The following ZKSCAN8 variants were observed in gnomAD, a reference collection of about 807,000 sequenced individuals.
The protein encoded by ZKSCAN8 is zinc finger protein with KRAB and SCAN domains 8.
A neutral mutation model predicts 57.2 loss-of-function variants in ZKSCAN8; 27 were observed. The observed-to-expected ratio is 0.47, with a 90% CI of 0.35 to 0.65. The LOEUF is 0.65. ZKSCAN8 is among the 30% of genes least tolerant of loss of function. The probability of loss-of-function intolerance (pLI) is 0.01; values close to 1 mark genes in which losing one functional copy is unlikely to be tolerated. For missense variants in ZKSCAN8, 597 were observed against 696.3 expected (o/e 0.86, Z 1.60); for synonymous variants, 214 against 248.7 (o/e 0.86, Z 1.31).
At chr6:28,148,960 G>A (rs1765497574) in intron 2 of ZKSCAN8, 136 bp downstream of exon 2, 3 of 1,039,128 alleles carry the variant, frequency 2.9e-6, no homozygotes, top group African/African-American at 3.2e-5. Context: ...TTTTAGTGTA[G>A]TATGACTTGT....
At chr6:28,146,339 A>G (rs926478647) in intron 1 of ZKSCAN8, among the ~76,000 whole-genome samples, 12 of 152,240 alleles carry the variant, frequency 7.9e-5, no homozygotes, top group Non-Finnish European at 1.8e-4. Context: ...AGCAATACAC[A>G]TTTAAGTAAC....
At position 28,154,058 on chromosome 6, in the gene ZKSCAN8, G is replaced by T; in HGVS notation, c.*41G>T. The stretch of plus-strand genomic sequence containing the variant: ...GAGTTTGAGCATTATTCAGCATTAG[G>T]GAAACCACACACTGGTGAGAGGTCT... On this transcript the variant is annotated 3_prime_UTR_variant, in exon 6 of 6. Coordinates refer to ENST00000330236, the MANE Select transcript of ZKSCAN8 (RefSeq NM_006298.4). 6.5e-7 allele frequency: 1 copy of T among 1,533,700 alleles called. No homozygotes were observed.
At chr6:28,152,118 C>G (rs1397451700) in intron 4 of ZKSCAN8, 143 bp from the exon 5 acceptor site, 1 of 1,405,518 alleles carries the variant, frequency 7.1e-7, no homozygotes, top group African/African-American at 1.4e-5. Flanking sequence ...GCATTTTCCT[C>G]TTCTTCCTAG....
chr6:28,143,501 A>G (rs964645209), intron 1 of ZKSCAN8, among the ~76,000 whole-genome samples: 1 of 152,148 alleles, frequency 6.6e-6, no homozygotes, highest in African/African-American at 2.4e-5. Context: ...AGCCTCCTGT[A>G]CTGGTAAGTA....
At position 28,153,042 on chromosome 6, in the gene ZKSCAN8, C is replaced by A. The variant is rs1167236119; in HGVS notation, c.776-14C>A. On this transcript the variant is annotated splice_polypyrimidine_tract_variant and intron_variant, in intron 5 of 5. Coordinates refer to ENST00000330236, the MANE Select transcript of ZKSCAN8 (RefSeq NM_006298.4). ...ACATTGGCTTGATGTTTGTTTATTA[C>A]ATTTTTATTTCAGGTGGTGAGACCA... 6.2e-7 allele frequency: 1 copy of A among 1,611,246 alleles called. No individual in the cohort carries two copies. The highest frequency in any genetic ancestry group is 8.5e-7 in the Non-Finnish European group (1 of 1,178,168).
chr6:28,148,880 A>G, intron 2 of ZKSCAN8, 56 bp downstream of exon 2: 1 of 1,552,080 alleles, frequency 6.4e-7, no homozygotes, highest in East Asian at 2.3e-5. Flanking sequence ...AGCTTGGTAG[A>G]GGGACATAGG....
chr6:28,154,053 A>T lies in ZKSCAN8; in HGVS notation c.*36A>T, dbSNP rs759720008. 6.5e-7 allele frequency: 1 copy of T among 1,538,140 alleles called. No homozygotes were observed. Among genetic ancestry groups the T allele is most frequent in the South Asian group, 1.3e-5 (1 of 77,740 alleles). On this transcript the variant is annotated 3_prime_UTR_variant, in exon 6 of 6. Transcript: ENST00000330236. ...AGTTAGAGTTTGAGCATTATTCAGC[A>T]TTAGGGAAACCACACACTGGTGAGA...
At position 28,153,057 on chromosome 6, in the gene ZKSCAN8, T is replaced by G; in HGVS notation, c.777T>G (p.Gly259=). The G allele has an allele frequency of 6.2e-7, 1 of 1,612,434 alleles. No individual in the cohort carries two copies. The highest frequency in any genetic ancestry group is 8.5e-7 in the Non-Finnish European group (1 of 1,178,826). The change falls in exon 6 of 6, where the codon GGT becomes GGG. Residue 259 remains glycine (G), a splice_region_variant and synonymous_variant. Coordinates refer to ENST00000330236, the MANE Select transcript of ZKSCAN8 (RefSeq NM_006298.4). ...PENFRNMFSL[G]GETRSENREL... ...TTGTTTATTACATTTTTATTTCAGGTGGTGAGACCAGGAGTGAGAACAGGG... is the reference window on the plus strand; with the variant it reads ...TTGTTTATTACATTTTTATTTCAGGGGGTGAGACCAGGAGTGAGAACAGGG...
rs755030800 is a variant in ZKSCAN8 at position 28,148,788 on chromosome 6, G to A, written c.381G>A (p.Glu127=). The change falls in exon 2 of 6, where the codon GAG becomes GAA. Residue 127 remains glutamate, a synonymous_variant. Transcript: ENST00000330236. The part of the protein sequence containing the change: ...ENGEEVVTLL[E]DLERQIDILG... The stretch of plus-strand genomic sequence containing the variant: ...GAGAGGAGGTGGTGACCCTATTAGA[G>A]GATTTGGAAAGGCAGATTGATATAC... 1.2e-6 allele frequency: 2 copies of A among 1,613,962 alleles called. No homozygotes were observed. The highest frequency in any genetic ancestry group is 1.7e-6 in the Non-Finnish European group (2 of 1,179,942).
chr6:28,141,715 G>T (rs1004058551), upstream of ZKSCAN8, among the ~76,000 whole-genome samples: 3 of 152,230 alleles, frequency 2.0e-5, no homozygotes, highest in Admixed American at 6.5e-5. Context: ...CAGCGACAGC[G>T]CAAGCCTGAG....
Position 28,153,206 on chromosome 6 carries a change from T to C in ZKSCAN8, c.926T>C (p.Leu309Ser), listed in dbSNP as rs1432240996. ...HEEARDLLGRLERQRGNPTQE... is the reference protein window; with the variant it reads ...HEEARDLLGRSERQRGNPTQE... ...GAAGCCCGAGACCTTCTGGGCAGAT[T>C]AGAGAGGCAGCGGGGAAATCCCACA... The change falls in exon 6 of 6, where the codon TTA becomes TCA. Residue 309 changes from leucine (L) to serine (S), a missense_variant. Transcript: ENST00000330236. 7.4e-6 allele frequency: 12 copies of C among 1,614,022 alleles called. No homozygotes were observed. Among genetic ancestry groups the C allele is most frequent in the South Asian group, 3.3e-5 (3 of 91,080 alleles).
chr6:28,143,776 C>T (rs1476109076), intron 1 of ZKSCAN8, among the ~76,000 whole-genome samples: 4 of 151,960 alleles, frequency 2.6e-5, no homozygotes, highest in African/African-American at 9.7e-5. Context: ...AACATTAAAC[C>T]ATAAGTAGCT....
intron 1 of ZKSCAN8, among the ~76,000 whole-genome samples, chr6:28,143,539 G>A (rs1765289362): frequency 6.6e-6 from 1 of 152,112 alleles, no homozygotes; most frequent in African/African-American, 2.4e-5. Flanking sequence ...AATAGACTCT[G>A]CACTCAAGCC....
rs755526546 is a variant in ZKSCAN8, at chr6:28,153,716, G to A, written c.1436G>A (p.Gly479Asp). 2.5e-6 allele frequency: 4 copies of A among 1,613,118 alleles called. No homozygotes were observed. Among genetic ancestry groups the A allele is most frequent in the East Asian group, 2.2e-5 (1 of 44,820 alleles). Residue 479 changes from glycine to aspartate, a missense_variant, in exon 6 of 6, where the codon GGT (glycine) becomes GAT (aspartate). By Grantham distance (94) the Gly-to-Asp change is moderately conservative. Coordinates refer to ENST00000330236, the MANE Select transcript of ZKSCAN8 (RefSeq NM_006298.4). ...TTCAGGCGGAGCTCACATCTTATTG[G>A]TCATCAGAGGAGCCACACTGGGGAG... Reference protein sequence around the residue: ...KTFRRSSHLIGHQRSHTGEKP... With the variant: ...KTFRRSSHLIDHQRSHTGEKP...
chr6:28,148,048 C>A (rs1765457573), intron 1 of ZKSCAN8, among the ~76,000 whole-genome samples: 1 of 152,180 alleles, frequency 6.6e-6, no homozygotes. Flanking sequence ...ACCCAGTCTA[C>A]ATGGTTTCCT....
rs1437876672 is a variant in ZKSCAN8 at position 28,151,488 on chromosome 6, A to G, written c.560-357A>G. 2.6e-5 allele frequency among the ~76,000 whole-genome samples: 4 copies of G among 152,224 alleles called. No individual in the cohort carries two copies. The East Asian group carries it at 7.7e-4, about 29-fold the overall frequency. ...GTAATTAATTAATAGAGACTGGTTG[A>G]TTCTGATACTTGGTTTGCCAAGAGA... is the stretch of plus-strand genomic sequence containing the variant. On this transcript the variant is annotated intron_variant, in intron 3 of 5. Coordinates refer to ENST00000330236, the MANE Select transcript of ZKSCAN8 (RefSeq NM_006298.4).
Position 28,154,106 on chromosome 6 carries a change from AG to A in ZKSCAN8, c.*91del. 1.3e-6 allele frequency: 2 copies of A among 1,491,398 alleles called. No individual in the cohort carries two copies. The highest frequency in any genetic ancestry group is 1.8e-6 in the Non-Finnish European group (2 of 1,126,160). The allele number at this position is 1,491,398 out of a possible 1,614,324, so 92.4% of individuals were successfully genotyped here. A position where few individuals can be genotyped will look rare whatever the true frequency, so the allele number is the denominator to read the frequency against. ...TCTTTCAGTGTACTAAAAGGCAGAA[AG>A]GTCATCACAACTTTAGTGTCAGAAT... On this transcript the variant is annotated 3_prime_UTR_variant, in exon 6 of 6. Transcript: ENST00000330236.
In ZKSCAN8 at chr6:28,156,212, C is replaced by A; in HGVS notation, c.*2195C>A. On this transcript the variant is annotated 3_prime_UTR_variant, in exon 6 of 6. Coordinates refer to ENST00000330236, the MANE Select transcript of ZKSCAN8 (RefSeq NM_006298.4). ...ACACCTGCCATACACTTTAGAAGAA[C>A]GCTTCTCTTCTATTCCAATAAAAAG... 1 of 398,312 alleles carries A rather than the reference C, an allele frequency of 2.5e-6. No individual in the cohort carries two copies. The highest frequency in any genetic ancestry group is 4.4e-6 in the Non-Finnish European group (1 of 225,898). The allele number at this position is 398,312 out of a possible 1,614,324, so 24.7% of individuals were successfully genotyped here. A position where few individuals can be genotyped will look rare whatever the true frequency, so the allele number is the denominator to read the frequency against.
chr6:28,151,929 G>A lies in ZKSCAN8; in HGVS notation c.644G>A (p.Gly215Glu). 1 of 1,614,060 alleles carries A rather than the reference G, an allele frequency of 6.2e-7. No individual in the cohort carries two copies. The highest frequency in any genetic ancestry group is 8.5e-7 in the Non-Finnish European group (1 of 1,179,962). ...ATGACAGCTACACTTCTCACAGCAG[G>A]GTTCCAGGTGAGTTGTGCTCCTTCT... ...QEMTATLLTAGFQTLEKIEDM... is the reference protein window; with the variant it reads ...QEMTATLLTAEFQTLEKIEDM... Residue 215 changes from glycine to glutamate, a missense_variant, in exon 4 of 6, where the codon GGG (glycine) becomes GAG (glutamate). Coordinates refer to ENST00000330236, the MANE Select transcript of ZKSCAN8 (RefSeq NM_006298.4).
Sources: allele counts gnomAD v4.1 joint callset (sites outside exome capture counted in the v4.1 genomes callset), GRCh38; gene constraint gnomAD v4.1.1; transcripts MANE v1.5; gene names NCBI Gene and HGNC (gene_info 2026-07-23, HGNC 2026-07-21).